Variants in KCNB2 observed in about 807,000 individuals in gnomAD.
The protein encoded by KCNB2 is potassium voltage-gated channel subfamily B member 2.
In KCNB2, 15 loss-of-function variants were observed where a neutral mutation model predicts 61.5. The observed-to-expected ratio is 0.24, with a 90% CI of 0.16 to 0.38. The LOEUF (loss-of-function observed/expected upper bound fraction) is 0.38. KCNB2 is among the 10% of genes least tolerant of loss of function. The pLI is 1.00. For synonymous variants in KCNB2, 457 were observed against 446.0 expected, an observed-to-expected ratio of 1.02 and a Z score of -0.31; for missense variants, 828 against 1,125.2, an observed-to-expected ratio of 0.74 and a Z score of 3.78.
chr8:72,661,972 T>C (rs1391966119), intron 2 of KCNB2, among the ~76,000 whole-genome samples: 2 of 152,228 alleles, frequency 1.3e-5, no homozygotes, highest in Non-Finnish European at 2.9e-5. Flanking sequence ...TGGCTTCCAT[T>C]AAAGTTGACT....
chr8:72,915,691 G>A (rs1049869643), intron 2 of KCNB2, among the ~76,000 whole-genome samples: 2 of 152,054 alleles, frequency 1.3e-5, no homozygotes, highest in Non-Finnish European at 2.9e-5. Context: ...AGGCTGAGGC[G>A]GGCGGATCAT....
At chr8:72,718,728 G>T in intron 2 of KCNB2, among the ~76,000 whole-genome samples, 1 of 151,736 alleles carries the variant, frequency 6.6e-6, no homozygotes, top group East Asian at 1.9e-4. Flanking sequence ...ATGAGTTAAT[G>T]GGTGCAGCAC....
At chr8:72,549,808 T>C (rs1174536480) in intron 1 of KCNB2, among the ~76,000 whole-genome samples, 1 of 152,168 alleles carries the variant, frequency 6.6e-6, no homozygotes, top group Non-Finnish European at 1.5e-5. Flanking sequence ...CCTTCTCTAA[T>C]CAATCAGTAT....
chr8:72,599,113 G>A (rs542239439), intron 2 of KCNB2, among the ~76,000 whole-genome samples: 17 of 152,100 alleles, frequency 1.1e-4, no homozygotes, highest in South Asian at 2.1e-4. Flanking sequence ...AAGTTCATAC[G>A]GAACCAAAAA....
chr8:72,845,384 G>A (rs1320555859), intron 2 of KCNB2, among the ~76,000 whole-genome samples: 2 of 152,208 alleles, frequency 1.3e-5, no homozygotes, highest in African/African-American at 4.8e-5. Context: ...ACCCCTGCTG[G>A]GAGGTGTCTC....
intron 2 of KCNB2, among the ~76,000 whole-genome samples, chr8:72,663,939 C>T (rs984016715): frequency 7.9e-5 from 12 of 152,204 alleles, no homozygotes; most frequent in Non-Finnish European, 1.5e-4. Context: ...GAGCCTCTTT[C>T]CATAAATAAA....
At chr8:72,553,067 A>T (rs1267559759) in intron 1 of KCNB2, among the ~76,000 whole-genome samples, 1 of 152,158 alleles carries the variant, frequency 6.6e-6, no homozygotes, top group Non-Finnish European at 1.5e-5. Context: ...ACAACAAAAA[A>T]ATTTAAAAAA....
chr8:72,863,630 C>T (rs528236700), intron 2 of KCNB2, among the ~76,000 whole-genome samples: 1 of 152,236 alleles, frequency 6.6e-6, no homozygotes. Context: ...CAGGACATTC[C>T]TTTACAGGCC....
chr8:72,581,485 C>T (rs1806896291), intron 2 of KCNB2, among the ~76,000 whole-genome samples: 1 of 152,194 alleles, frequency 6.6e-6, no homozygotes, highest in Non-Finnish European at 1.5e-5. Context: ...ACTGACTGTG[C>T]CTCCAAATGA....
intron 2 of KCNB2, among the ~76,000 whole-genome samples, chr8:72,757,108 G>A (rs575827733): frequency 1.3e-5 from 2 of 152,174 alleles, no homozygotes; most frequent in South Asian, 4.1e-4. Context: ...ACCTTGGGGA[G>A]CGCCAATGTG....
chr8:72,677,563 C>G (rs1806679462), intron 2 of KCNB2, among the ~76,000 whole-genome samples: 1 of 152,194 alleles, frequency 6.6e-6, no homozygotes, highest in Non-Finnish European at 1.5e-5. Flanking sequence ...TGATTCCAAT[C>G]AGGCTTTTTT....
intron 1 of KCNB2, among the ~76,000 whole-genome samples, chr8:72,555,712 CTT>C (rs1453531141): frequency 3.3e-5 from 5 of 151,516 alleles, no homozygotes; most frequent in Admixed American, 1.3e-4. Context: ...ATTAAAGCCT[CTT>C]TGTAGGCTTA....
chr8:72,542,626 A>C (rs2128976503), intron 1 of KCNB2, among the ~76,000 whole-genome samples: 1 of 152,252 alleles, frequency 6.6e-6, no homozygotes, highest in South Asian at 2.1e-4. Context: ...TGTGAGACTC[A>C]CTTGAGATAC....
intron 2 of KCNB2, among the ~76,000 whole-genome samples, chr8:72,906,052 T>A (rs1028605760): frequency 1.3e-5 from 2 of 152,202 alleles, no homozygotes; most frequent in East Asian, 3.8e-4. Flanking sequence ...CTCAACATTT[T>A]TGTTAATTTG....
chr8:72,540,258 T>C (rs1421704570), intron 1 of KCNB2, among the ~76,000 whole-genome samples: 1 of 152,138 alleles, frequency 6.6e-6, no homozygotes, highest in African/African-American at 2.4e-5. Context: ...TTGCTATCTC[T>C]TAAAGACTAA....
intron 2 of KCNB2, among the ~76,000 whole-genome samples, chr8:72,593,806 C>CT (rs1404864711): frequency 6.6e-6 from 1 of 152,164 alleles, no homozygotes; most frequent in Non-Finnish European, 1.5e-5. Flanking sequence ...ATGATAGAAT[C>CT]TGCTGGGTTA....
chr8:72,603,566 T>C (rs1805395924), intron 2 of KCNB2, among the ~76,000 whole-genome samples: 1 of 152,150 alleles, frequency 6.6e-6, no homozygotes, highest in Admixed American at 6.5e-5. Flanking sequence ...ACTCATTTCT[T>C]GTGTGTCAGC....
chr8:72,625,492 G>A (rs571789006), intron 2 of KCNB2, among the ~76,000 whole-genome samples: 85 of 152,120 alleles, frequency 5.6e-4, no homozygotes, highest in Admixed American at 1.0e-3. Flanking sequence ...GTGCAGTGGC[G>A]CAATCACAGC....
intron 2 of KCNB2, among the ~76,000 whole-genome samples, chr8:72,841,724 GCTGTCTGT>G (rs139374318): frequency 3.4e-5 from 5 of 148,426 alleles, no homozygotes; most frequent in East Asian, 2.0e-4. Context: ...TCATGATTTG[GCTGTCTGT>G]CTATTATTGT....
Sources: allele counts gnomAD v4.1 joint callset (sites outside exome capture counted in the v4.1 genomes callset), GRCh38; gene constraint gnomAD v4.1.1; transcripts MANE v1.5; gene names NCBI Gene and HGNC (gene_info 2026-07-23, HGNC 2026-07-21).